The following WASHC2C variants were observed in gnomAD, a reference collection of about 807,000 sequenced individuals.
WASHC2C encodes the protein Vaccinia Penetration Factor.
In WASHC2C, 73 loss-of-function variants were observed where a neutral mutation model predicts 142.2. The observed-to-expected ratio is 0.51, with a 90% CI of 0.43 to 0.62. The LOEUF (loss-of-function observed/expected upper bound fraction) is 0.62, where lower values mean the gene tolerates loss of function less well. Among genes scored for constraint, WASHC2C ranks in the 20% least tolerant of loss-of-function variants. WASHC2C has a pLI of 0.00. For synonymous variants in WASHC2C, 337 were observed against 565.5 expected (o/e 0.60, Z 5.73); for missense variants, 969 against 1,531.7 (o/e 0.63, Z 6.13).
intron 18 of WASHC2C, among the ~76,000 whole-genome samples, 159 bp downstream of exon 18, chr10:45,763,648 G>A (rs1564772952): frequency 6.6e-6 from 1 of 151,768 alleles, no homozygotes; most frequent in Non-Finnish European, 1.5e-5. Context: ...TTTTATTTCA[G>A]TGACTTCTTC....
rs2058435663 is a variant in WASHC2C, at chr10:45,792,263, G to A, written c.3889G>A (p.Asp1297Asn). The part of the protein sequence containing the change: ...AKSIFDDDMD[D>N]IFSTGIQAKT... ...GTTTTTCTTTTTTCTTTCTAAAGAT[G>A]ACATCTTCTCCACTGGTATCCAGGC... is the stretch of plus-strand genomic sequence containing the variant. Residue 1297 changes from aspartate to asparagine, a missense_variant and splice_region_variant, in exon 31 of 31, where the codon GAC (aspartate) becomes AAC (asparagine). Physicochemically the swap from Asp to Asn is conservative, Grantham distance 23 (BLOSUM62 1). Transcript: ENST00000623400. 6.4e-7 allele frequency: 1 copy of A among 1,563,426 alleles called. No individual in the cohort carries two copies. Among genetic ancestry groups the A allele is most frequent in the Non-Finnish European group, 8.7e-7 (1 of 1,145,826 alleles).
In WASHC2C at chr10:45,777,269, G is replaced by A. The variant is rs1293863035; in HGVS notation, c.2143-4G>A. On this transcript the variant is annotated splice_region_variant and splice_polypyrimidine_tract_variant and intron_variant, in intron 21 of 30. Coordinates refer to ENST00000623400, the MANE Select transcript of WASHC2C (RefSeq NM_001330074.2). ...GTGGATGTCATGTACTCTTCTTTTG[G>A]TAGAAAAAAGAGACTGTCTCTGAGG... 11 of 1,579,882 alleles carry A rather than the reference G, an allele frequency of 7.0e-6. No homozygotes were observed. Among genetic ancestry groups the A allele is most frequent in the African/African-American group, 1.4e-5 (1 of 71,176 alleles).
chr10:45,772,632 C>G (rs1554885075), intron 20 of WASHC2C, among the ~76,000 whole-genome samples: 1 of 152,170 alleles, frequency 6.6e-6, no homozygotes, highest in East Asian at 1.9e-4. Context: ...CAGGAGATCA[C>G]TTGAGTTCAG....
At chr10:45,728,630 C>T (rs900918111) in intron 2 of WASHC2C, among the ~76,000 whole-genome samples, 2 of 151,094 alleles carry the variant, frequency 1.3e-5, no homozygotes, top group African/African-American at 4.9e-5. Context: ...TCCAGCTACT[C>T]GGGAGGCTGA....
rs374229599 is a variant in WASHC2C, at chr10:45,758,710, C to T, written c.1549-605C>T. Among the ~76,000 whole-genome samples the T allele has an allele frequency of 1.1e-3, 159 of 150,880 alleles. 3 individuals are homozygous for T. In the East Asian group the frequency reaches 0.023, roughly 22 times the overall value. On this transcript the variant is annotated intron_variant, in intron 16 of 30. Coordinates refer to ENST00000623400, the MANE Select transcript of WASHC2C (RefSeq NM_001330074.2). ...GCAGCCTCAACCTCCTGGGTTCAAGCGATTCTCCAGCCTCAGCCTACCAAG... is the reference window on the plus strand; with the variant it reads ...GCAGCCTCAACCTCCTGGGTTCAAGTGATTCTCCAGCCTCAGCCTACCAAG...
rs543044450 is a variant in WASHC2C at position 45,785,039 on chromosome 10, G to A, written c.2688+138G>A. The stretch of plus-strand genomic sequence containing the variant: ...CTAAATGAATGGCAAATAACATGCC[G>A]AGGGGAGCGTGTGTGGAGGATGCAA... On this transcript the variant is annotated intron_variant, in intron 25 of 30. Transcript: ENST00000623400. The A allele has an allele frequency of 5.8e-4, 914 of 1,584,278 alleles. 3 individuals carry two copies. Among genetic ancestry groups the A allele is most frequent in the African/African-American group, 7.0e-4 (52 of 74,110 alleles).
At position 45,751,531 on chromosome 10, in the gene WASHC2C, G is replaced by A; in HGVS notation, c.981G>A (p.Lys327=). Residue 327 remains lysine, a synonymous_variant, in exon 11 of 31, where the codon AAG becomes AAA. Transcript: ENST00000623400. ...CTCGGAAGACACTCAAAGAGAAGAA[G>A]GAAAGGAGAACTCCTTCAGACGGTG... ...AKPRKTLKEK[K]ERRTPSDDEE... is the part of the protein sequence containing the mutation. 1.3e-6 allele frequency: 2 copies of A among 1,514,152 alleles called. No homozygotes were observed. Among genetic ancestry groups the A allele is most frequent in the Non-Finnish European group, 1.8e-6 (2 of 1,113,514 alleles). The allele number at this position is 1,514,152 out of a possible 1,614,324, so 93.8% of individuals were successfully genotyped here.
chr10:45,757,060 T>C lies in WASHC2C; in HGVS notation c.1469T>C (p.Leu490Pro). The C allele has an allele frequency of 1.9e-6, 3 of 1,607,008 alleles. No individual in the cohort carries two copies. The highest frequency in any genetic ancestry group is 2.5e-6 in the Non-Finnish European group (3 of 1,177,246). The change falls in exon 16 of 31, where the codon CTG becomes CCG. Residue 490 changes from leucine (L) to proline (P), a missense_variant. Leu to Pro is a moderately conservative substitution (Grantham distance 98, BLOSUM62 -3). Transcript: ENST00000623400. ...ATCTTTGGTGACGAAGAAGGAGATCTGTTCAAAGAAAAAGCCGTAGCATCG... is the reference window on the plus strand; with the variant it reads ...ATCTTTGGTGACGAAGAAGGAGATCCGTTCAAAGAAAAAGCCGTAGCATCG... ...ADIFGDEEGD[L>P]FKEKAVASPE...
At chr10:45,756,602 A>G (rs1179387317) in intron 15 of WASHC2C, among the ~76,000 whole-genome samples, 1 of 152,072 alleles carries the variant, frequency 6.6e-6, no homozygotes, top group Non-Finnish European at 1.5e-5. Flanking sequence ...ATTTGCTTTT[A>G]TCTGCTTTTG....
chr10:45,766,802 T>TA (rs1408293551), intron 19 of WASHC2C, among the ~76,000 whole-genome samples: 1 of 152,044 alleles, frequency 6.6e-6, no homozygotes, highest in African/African-American at 2.4e-5. Context: ...TATGATGATA[T>TA]AAAAAATCCT....
At chr10:45,727,582 G>C in intron 2 of WASHC2C, 43 bp downstream of exon 2, 1 of 1,532,804 alleles carries the variant, frequency 6.5e-7, no homozygotes, top group Non-Finnish European at 8.8e-7. Flanking sequence ...CAGGGGTGAC[G>C]CTTGGCTTGC....
chr10:45,784,974 A>G (rs1401097035), intron 25 of WASHC2C, 73 bp downstream of exon 25: 2 of 1,611,038 alleles, frequency 1.2e-6, no homozygotes, highest in East Asian at 2.2e-5. Context: ...GTCCAGTTAG[A>G]TGATTAAGGA....
rs1401615880 is a variant in WASHC2C at position 45,789,051 on chromosome 10, G to C, written c.3268G>C (p.Asp1090His). 5.6e-5 allele frequency: 90 copies of C among 1,611,962 alleles called. 1 individual carries two copies. The Middle Eastern group carries it at 6.7e-4, about 12-fold the overall frequency. ...ACAGCTCAGAGCAGCCAGTGGAGAA[G>C]ACAGCACTGAGGAGGCCCTGGCAGC... is the stretch of plus-strand genomic sequence containing the variant. ...RPQLRAASGE[D>H]STEEALAAAA... Residue 1090 changes from aspartate (D) to histidine (H), a missense_variant, in exon 29 of 31, where the codon GAC becomes CAC. Transcript: ENST00000623400.
intron 28 of WASHC2C, among the ~76,000 whole-genome samples, chr10:45,788,110 C>CT (rs553017058): frequency 7.6e-4 from 115 of 151,612 alleles, no homozygotes; most frequent in South Asian, 3.1e-3. Context: ...TTTTCATTGG[C>CT]TTTTTTTTTA....
At chr10:45,787,926 T>G (rs1180803818) in intron 28 of WASHC2C, among the ~76,000 whole-genome samples, 2 of 152,246 alleles carry the variant, frequency 1.3e-5, no homozygotes, top group African/African-American at 4.8e-5. Context: ...AGTTTTCCTT[T>G]CATTGTAGTT....
intron 8 of WASHC2C, among the ~76,000 whole-genome samples, chr10:45,748,341 G>T (rs1341599435): frequency 7.1e-6 from 1 of 140,264 alleles, no homozygotes. Context: ...CCAGGCTGGA[G>T]TGCAGTGGCA....
chr10:45,777,259 T>G lies in WASHC2C; in HGVS notation c.2143-14T>G. On this transcript the variant is annotated splice_polypyrimidine_tract_variant and intron_variant, in intron 21 of 30. Coordinates refer to ENST00000623400, the MANE Select transcript of WASHC2C (RefSeq NM_001330074.2). ...TTTTATTGTTGTGGATGTCATGTAC[T>G]CTTCTTTTGGTAGAAAAAAGAGACT... 1 of 1,568,604 alleles carries G rather than the reference T, an allele frequency of 6.4e-7. No homozygotes were observed. Among genetic ancestry groups the G allele is most frequent in the Non-Finnish European group, 8.7e-7 (1 of 1,144,888 alleles).
At position 45,789,163 on chromosome 10, in the gene WASHC2C, C is replaced by A; in HGVS notation, c.3380C>A (p.Ala1127Asp). ...AKSLGHSRGE[A>D]DLFDSGDIFS... Reference sequence around the variant, plus strand: ...TCTCTGGGTCATTCCAGAGGGGAGGCTGACCTTTTTGATTCTGGGGACATT... The same window carrying A: ...TCTCTGGGTCATTCCAGAGGGGAGGATGACCTTTTTGATTCTGGGGACATT... Residue 1127 changes from alanine to aspartate, a missense_variant, in exon 29 of 31, where the codon GCT becomes GAT. Coordinates refer to ENST00000623400, the MANE Select transcript of WASHC2C (RefSeq NM_001330074.2). 1.9e-6 allele frequency: 3 copies of A among 1,612,072 alleles called. No individual in the cohort carries two copies. The highest frequency in any genetic ancestry group is 2.5e-6 in the Non-Finnish European group (3 of 1,179,868).
intron 21 of WASHC2C, 95 bp downstream of exon 21, chr10:45,773,453 G>T: frequency 1.6e-6 from 1 of 618,792 alleles, no homozygotes. Flanking sequence ...CCTAACCTTG[G>T]AGGCTGAGTC....
Sources: gnomAD v4.1 joint callset for allele counts (sites outside exome capture counted in the v4.1 genomes callset) on GRCh38, gnomAD v4.1.1 for gene constraint, MANE v1.5 for transcripts, NCBI Gene and HGNC (gene_info 2026-07-23, HGNC 2026-07-21) for gene names.